The following FUT8 variants were observed in gnomAD, a reference collection of about 807,000 sequenced individuals.
FUT8 encodes alpha-(1,6)-fucosyltransferase.
A neutral mutation model predicts 71.3 loss-of-function variants in FUT8; 29 were observed. The ratio of observed to expected loss-of-function variants is 0.41; its 90% confidence interval spans 0.30 to 0.55. The LOEUF is 0.55. Ranked by LOEUF, FUT8 falls within the 20% of genes least tolerant of loss-of-function variation. FUT8 has a pLI of 0.34. For synonymous variants in FUT8, 254 were observed against 239.3 expected (o/e 1.06, Z -0.57); for missense variants, 544 against 702.1 (o/e 0.77, Z 2.55).
At chr14:65,412,442 C>A, upstream of FUT8, 1 of 422,294 alleles carries the variant, frequency 2.4e-6, no homozygotes, top group Non-Finnish European at 4.8e-6. Flanking sequence ...GATCCAGGAT[C>A]CGCTCGCGCC....
At chr14:65,606,586 A>T (rs947673288) in intron 3 of FUT8, among the ~76,000 whole-genome samples, 2 of 151,814 alleles carry the variant, frequency 1.3e-5, no homozygotes, top group African/African-American at 4.8e-5. Context: ...TCCTTTCCAT[A>T]TTAATTTAGA....
intron 2 of FUT8, among the ~76,000 whole-genome samples, chr14:65,524,108 A>G (rs1817166584): frequency 6.6e-6 from 1 of 152,208 alleles, no homozygotes; most frequent in Non-Finnish European, 1.5e-5. Context: ...AATTCTGTGA[A>G]GAAAGTCATT....
rs567875367 is a variant in FUT8, at chr14:65,528,512, C to G, written c.-227-32825C>G. 6.8e-4 allele frequency among the ~76,000 whole-genome samples: 103 copies of G among 152,288 alleles called. 1 individual carries two copies. The South Asian group carries it at 0.021, about 32-fold the overall frequency. ...TTGAGCTTCCCAGGTGAAGCGATGC[C>G]TCACCCTACTTCAGCTCACGCTTGG... is the stretch of plus-strand genomic sequence containing the variant. On this transcript the variant is annotated intron_variant, in intron 2 of 10. Coordinates refer to ENST00000673929, the MANE Select transcript of FUT8 (RefSeq NM_001371533.1).
At chr14:65,549,058 CT>C (rs1200603090) in intron 2 of FUT8, among the ~76,000 whole-genome samples, 1 of 152,128 alleles carries the variant, frequency 6.6e-6, no homozygotes, top group African/African-American at 2.4e-5. Flanking sequence ...CCAGAATTGC[CT>C]TTAAACAAAC....
chr14:65,419,975 G>A (rs1436057604), intron 1 of FUT8, among the ~76,000 whole-genome samples: 3 of 152,152 alleles, frequency 2.0e-5, no homozygotes, highest in Non-Finnish European at 4.4e-5. Context: ...GTTGTCAAGT[G>A]TGCATACGAT....
chr14:65,450,823 G>A (rs534812121), intron 1 of FUT8, among the ~76,000 whole-genome samples: 3 of 151,220 alleles, frequency 2.0e-5, no homozygotes, highest in Non-Finnish European at 2.9e-5. Flanking sequence ...TGTGGGACTC[G>A]CAACAGGGGT....
intron 7 of FUT8, among the ~76,000 whole-genome samples, chr14:65,678,894 A>T (rs1423033556): frequency 6.6e-6 from 1 of 152,198 alleles, no homozygotes. Flanking sequence ...GGAAGGAGCT[A>T]CATAATGCCA....
At chr14:65,470,264 A>AG (rs1305052707) in intron 2 of FUT8, among the ~76,000 whole-genome samples, 1 of 152,228 alleles carries the variant, frequency 6.6e-6, no homozygotes, top group African/African-American at 2.4e-5. Flanking sequence ...TGCAAAGGCA[A>AG]GGGGGGCCTT....
At chr14:65,700,709 C>T (rs1469748468) in intron 7 of FUT8, among the ~76,000 whole-genome samples, 1 of 152,168 alleles carries the variant, frequency 6.6e-6, no homozygotes, top group Non-Finnish European at 1.5e-5. Context: ...TCTTAAACTA[C>T]TTTCAATGAA....
chr14:65,553,100 C>T (rs1382429075), intron 2 of FUT8, among the ~76,000 whole-genome samples: 3 of 152,124 alleles, frequency 2.0e-5, no homozygotes, highest in Non-Finnish European at 4.4e-5. Flanking sequence ...GGACTATAGG[C>T]GTGCACCACC....
intron 7 of FUT8, among the ~76,000 whole-genome samples, chr14:65,692,380 G>C (rs866927216): frequency 1.4e-5 from 2 of 139,064 alleles, no homozygotes; most frequent in Admixed American, 1.4e-4. Context: ...CCTCCCTCCC[G>C]GACGGGGCGG....
chr14:65,436,537 G>A (rs2065562766), intron 1 of FUT8, among the ~76,000 whole-genome samples: 1 of 151,646 alleles, frequency 6.6e-6, no homozygotes, highest in Non-Finnish European at 1.5e-5. Flanking sequence ...GCTGAGGCAG[G>A]AGAATGGTGT....
In FUT8 at chr14:65,669,499, A is replaced by C. The variant is rs1360653177; in HGVS notation, c.835+19A>C. ...TGGTCAGGTAAGGAGCTTGTGCAGC[A>C]TATGAGATCTCTGGGCTGTTTCACT... is the stretch of plus-strand genomic sequence containing the variant. On this transcript the variant is annotated intron_variant, in intron 7 of 10. Coordinates refer to ENST00000673929, the MANE Select transcript of FUT8 (RefSeq NM_001371533.1). This position sits in a 1 kb window ranked among gnomAD's most constrained non-coding sequence, Gnocchi z 4.5. The C allele has an allele frequency of 6.5e-7, 1 of 1,540,732 alleles. No homozygotes were observed. The highest frequency in any genetic ancestry group is 1.7e-5 in the Admixed American group (1 of 59,764).
At chr14:65,508,064 A>G (rs1284350542) in intron 2 of FUT8, among the ~76,000 whole-genome samples, 1 of 141,444 alleles carries the variant, frequency 7.1e-6, no homozygotes, top group Non-Finnish European at 1.5e-5. Context: ...GTGATGTTAA[A>G]CACTTTTTTT....
chr14:65,458,148 C>T (rs1172401371), intron 2 of FUT8: 1 of 149,492 alleles, frequency 6.7e-6, no homozygotes, highest in Non-Finnish European at 1.5e-5. Context: ...TGCCACTGCA[C>T]TCCAGCCTGG....
Position 65,488,854 on chromosome 14 carries a change from C to T in FUT8, c.-228+33136C>T, listed in dbSNP as rs60009956. Among the ~76,000 whole-genome samples the T allele has an allele frequency of 5.2e-3, 786 of 152,134 alleles. 9 individuals are homozygous for T. The highest frequency in any genetic ancestry group is 0.018 in the African/African-American group (737 of 41,486). On this transcript the variant is annotated intron_variant, in intron 2 of 10. Transcript: ENST00000673929. Reference sequence around the variant, plus strand: ...CATTTCTTTCCAATTTTTCAGAGTACAGAAAAAGAGGTGAGTTTCCTATTC... The same window carrying T: ...CATTTCTTTCCAATTTTTCAGAGTATAGAAAAAGAGGTGAGTTTCCTATTC...
At chr14:65,664,971 G>GAA (rs11458506) in intron 6 of FUT8, among the ~76,000 whole-genome samples, 150 of 149,688 alleles carry the variant, frequency 1.0e-3, no homozygotes, top group Admixed American at 2.6e-3. Context: ...CTTTAGAATG[G>GAA]AAAAAAAAAA....
chr14:65,377,411 T>A, the FUT8 span, among the ~76,000 whole-genome samples: 46 of 152,174 alleles, frequency 3.0e-4, no homozygotes, highest in African/African-American at 9.4e-4. Context: ...ATAAAAAAAA[T>A]TTAAAAAAAC....
rs188313590 is a variant in FUT8 at position 65,732,881 on chromosome 14, A to G, written c.1260-350A>G. 1.9e-3 allele frequency among the ~76,000 whole-genome samples: 295 copies of G among 152,326 alleles called. 3 individuals carry two copies. The highest frequency in any genetic ancestry group is 3.1e-3 in the Non-Finnish European group (213 of 68,016). On this transcript the variant is annotated intron_variant, in intron 9 of 10. Coordinates refer to ENST00000673929, the MANE Select transcript of FUT8 (RefSeq NM_001371533.1). ...ATCACAGTATTTGTATTCTAAAGGAAAAGCTCAGTGACCAAATATGAAAGC... is the reference window on the plus strand; with the variant it reads ...ATCACAGTATTTGTATTCTAAAGGAGAAGCTCAGTGACCAAATATGAAAGC...
Sources: gnomAD v4.1 joint callset for allele counts (sites outside exome capture counted in the v4.1 genomes callset) on GRCh38, gnomAD v4.1.1 for gene constraint, Gnocchi (gnomAD v3.1) non-coding constraint, MANE v1.5 for transcripts, NCBI Gene and HGNC (gene_info 2026-07-23, HGNC 2026-07-21) for gene names.